Variants in RASGEF1C observed in about 807,000 individuals in gnomAD.
RASGEF1C encodes RasGEF domain family member 1C.
In RASGEF1C, 27 loss-of-function variants were observed where a neutral mutation model predicts 58.1. The ratio of observed to expected loss-of-function variants is 0.46; its 90% CI spans 0.34 to 0.64. RASGEF1C has a LOEUF of 0.64. Among genes scored for constraint, RASGEF1C ranks in the 30% least tolerant of loss-of-function variants. The pLI, the probability that RASGEF1C is intolerant of heterozygous loss-of-function variation, is 0.01. For synonymous variants in RASGEF1C, 243 were observed against 246.3 expected (o/e 0.99, Z 0.13); for missense variants, 502 against 605.1 (o/e 0.83, Z 1.79).
chr5:180,101,822 A>C (rs1765788828), intron 13 of RASGEF1C, among the ~76,000 whole-genome samples: 1 of 152,212 alleles, frequency 6.6e-6, no homozygotes, highest in African/African-American at 2.4e-5. Context: ...TCTTGACTGC[A>C]CACAGAGGCA....
At position 180,104,982 on chromosome 5, in the gene RASGEF1C, G is replaced by A. The variant is rs79381813; in HGVS notation, c.1304-2839C>T. Among the ~76,000 whole-genome samples the A allele has an allele frequency of 7.0e-3, 1,062 of 152,278 alleles. 14 individuals carry two copies. The highest frequency in any genetic ancestry group is 0.024 in the African/African-American group (1,014 of 41,558). On this transcript the variant is annotated intron_variant, in intron 12 of 13. Coordinates refer to ENST00000361132, the MANE Select transcript of RASGEF1C (RefSeq NM_175062.4). The stretch of plus-strand genomic sequence containing the variant: ...GTGGGGGATACATTCTAAGTCCCCT[G>A]GTGGCTGCCTGAAACTGCAGATAGT...
At chr5:180,124,371 A>G (rs2113260951) in intron 6 of RASGEF1C, among the ~76,000 whole-genome samples, 1 of 152,360 alleles carries the variant, frequency 6.6e-6, no homozygotes, top group Middle Eastern at 3.4e-3. Context: ...CTACACAAGA[A>G]CAGTATCAGA....
intron 1 of RASGEF1C, among the ~76,000 whole-genome samples, chr5:180,190,578 C>T (rs1171334397): frequency 2.5e-5 from 3 of 118,332 alleles, no homozygotes; most frequent in Non-Finnish European, 6.1e-5. Flanking sequence ...ACTTGGGGGG[C>T]TGTAGTAGGA....
At chr5:180,132,128 C>G (rs1766379968) in intron 4 of RASGEF1C, among the ~76,000 whole-genome samples, 1 of 152,202 alleles carries the variant, frequency 6.6e-6, no homozygotes. Flanking sequence ...TATCGTGGGT[C>G]CATGTTTATG....
chr5:180,167,468 G>A (rs903876265), intron 1 of RASGEF1C, among the ~76,000 whole-genome samples: 2 of 152,022 alleles, frequency 1.3e-5, no homozygotes, highest in Admixed American at 6.6e-5. Flanking sequence ...CAGCCTGGGT[G>A]ACAGAGTGAG....
chr5:180,140,464 CAG>C (rs1766557748), intron 1 of RASGEF1C, among the ~76,000 whole-genome samples: 1 of 152,224 alleles, frequency 6.6e-6, no homozygotes, highest in South Asian at 2.1e-4. Context: ...CAGAGCTGTG[CAG>C]AGACTGCCCC....
intron 3 of RASGEF1C, chr5:180,136,806 G>T (rs2380147): frequency 6.7e-6 from 3 of 449,016 alleles, no homozygotes; most frequent in Non-Finnish European, 1.2e-5. Flanking sequence ...CAGAGCAGGG[G>T]ACCCTGCCCC....
At chr5:180,149,558 C>T (rs1476143841) in intron 1 of RASGEF1C, among the ~76,000 whole-genome samples, 4 of 151,068 alleles carry the variant, frequency 2.6e-5, no homozygotes, top group East Asian at 3.9e-4. Flanking sequence ...CTGGTTCAAG[C>T]GATTCTCCTG....
chr5:180,128,558 G>A lies in RASGEF1C; in HGVS notation c.491C>T (p.Ala164Val), dbSNP rs1299961942. ...ACCTTCTGGCCCCTGGCGCAGAGCC[G>A]CCAGCTTCTGGTGCAGAGCCTGTAG... The part of the protein sequence containing the change: ...QLLQALHQKL[A>V]ALRQGPEGLV... The change falls in exon 5 of 14, where the codon GCG (alanine) becomes GTG (valine). Residue 164 changes from alanine to valine, a missense_variant. By Grantham distance (64) the Ala-to-Val change is moderately conservative. Transcript: ENST00000361132. 18 of 1,613,968 alleles carry A rather than the reference G, an allele frequency of 1.1e-5. No homozygotes were observed. Among genetic ancestry groups the A allele is most frequent in the African/African-American group, 8.0e-5 (6 of 74,940 alleles).
At position 180,178,759 on chromosome 5, in the gene RASGEF1C, G is replaced by C. The variant is rs148336577; in HGVS notation, c.-7+30269C>G. ...AGCAGACCACGGCGCAGATGTGGGC[G>C]GGGTCCTTATTGGCCATGAGACCCC... On this transcript the variant is annotated intron_variant, in intron 1 of 13. Transcript: ENST00000361132. Among the ~76,000 whole-genome samples, 254 of 152,240 alleles carry C rather than the reference G, an allele frequency of 1.7e-3. 2 individuals carry two copies. The highest frequency in any genetic ancestry group is 2.2e-3 in the Non-Finnish European group (151 of 68,016).
chr5:180,204,197 G>A (rs904284414), intron 1 of RASGEF1C, among the ~76,000 whole-genome samples: 1 of 152,122 alleles, frequency 6.6e-6, no homozygotes, highest in African/African-American at 2.4e-5. Context: ...GAACAACTGC[G>A]TTGTCTCTAC....
intron 1 of RASGEF1C, among the ~76,000 whole-genome samples, chr5:180,200,265 T>G (rs971200386): frequency 1.3e-5 from 2 of 149,284 alleles, no homozygotes; most frequent in African/African-American, 2.5e-5. Flanking sequence ...GAAAAAAAAA[T>G]TGATGGATTT....
chr5:180,142,583 C>T (rs1395337195), intron 1 of RASGEF1C, among the ~76,000 whole-genome samples: 6 of 152,088 alleles, frequency 3.9e-5, no homozygotes, highest in Non-Finnish European at 7.4e-5. Context: ...GGAGCATGGA[C>T]GGGGAGGTGC....
chr5:180,182,388 A>G (rs1026781087), intron 1 of RASGEF1C, among the ~76,000 whole-genome samples: 2 of 151,974 alleles, frequency 1.3e-5, no homozygotes, highest in African/African-American at 4.8e-5. Flanking sequence ...GGTGGCGCGG[A>G]CCCAAACAGT....
At chr5:180,199,223 G>A (rs1042867780) in intron 1 of RASGEF1C, among the ~76,000 whole-genome samples, 1 of 152,176 alleles carries the variant, frequency 6.6e-6, no homozygotes, top group Non-Finnish European at 1.5e-5. Flanking sequence ...AGCCTGCATT[G>A]AGTTTTTAGG....
chr5:180,157,910 T>C (rs978667606), intron 1 of RASGEF1C, among the ~76,000 whole-genome samples: 2 of 152,144 alleles, frequency 1.3e-5, no homozygotes, highest in African/African-American at 4.8e-5. Flanking sequence ...TCAAAACCCA[T>C]AGAATGTACA....
chr5:180,111,505 C>T lies in RASGEF1C; in HGVS notation c.1255G>A (p.Ala419Thr), dbSNP rs778237415. The part of the protein sequence containing the change: ...KQVECPFEQD[A>T]SITHYLYTAP... ...GTGTACAGGTAGTGGGTGATGCTGG[C>T]GTCTTGCTCGAAGGGACACTCCACT... Residue 419 changes from alanine to threonine, a missense_variant, in exon 12 of 14, where the codon GCC becomes ACC. Ala to Thr is a moderately conservative substitution (Grantham distance 58). Transcript: ENST00000361132. 9.3e-6 allele frequency: 15 copies of T among 1,614,084 alleles called. No individual in the cohort carries two copies. Among genetic ancestry groups the T allele is most frequent in the Middle Eastern group, 1.6e-4 (1 of 6,084 alleles).
Position 180,136,170 on chromosome 5 carries a change from G to C in RASGEF1C, c.438+208C>G, listed in dbSNP as rs117752033. The stretch of plus-strand genomic sequence containing the variant: ...TCACCCGCCATCTGATGCCATTGGT[G>C]AGAGCAGTCAGGGAGAGGTCACCAG... On this transcript the variant is annotated intron_variant, in intron 4 of 13. Coordinates refer to ENST00000361132, the MANE Select transcript of RASGEF1C (RefSeq NM_175062.4). Among the ~76,000 whole-genome samples, 181 of 152,358 alleles carry C rather than the reference G, an allele frequency of 1.2e-3. 3 individuals are homozygous for C. The East Asian group carries it at 0.028, about 24-fold the overall frequency.
intron 4 of RASGEF1C, among the ~76,000 whole-genome samples, chr5:180,133,625 C>T (rs568701113): frequency 7.3e-5 from 11 of 150,536 alleles, no homozygotes; most frequent in African/African-American, 1.8e-4. Flanking sequence ...AAGATAATGC[C>T]GAAATATTTT....
Sources: allele counts gnomAD v4.1 joint callset (sites outside exome capture counted in the v4.1 genomes callset), GRCh38; gene constraint gnomAD v4.1.1; transcripts MANE v1.5; gene names NCBI Gene and HGNC (gene_info 2026-07-23, HGNC 2026-07-21).